Variants in SGCD observed in about 807,000 individuals in gnomAD.
SGCD encodes delta-sarcoglycan.
A neutral mutation model predicts 36.6 loss-of-function variants in SGCD; 18 were observed. The observed-to-expected ratio is 0.49, with a 90% CI of 0.34 to 0.73. The LOEUF (loss-of-function observed/expected upper bound fraction) is 0.73. SGCD is among the 30% of genes least tolerant of loss of function. The pLI, the probability that SGCD is intolerant of heterozygous loss-of-function variation, is 0.01. For synonymous variants in SGCD, 133 were observed against 130.6 expected (o/e 1.02, Z -0.12); for missense variants, 387 against 346.7 (o/e 1.12, Z -0.92).
chr5:156,257,469 G>T (rs1013228847), intron 3 of SGCD, among the ~76,000 whole-genome samples: 1 of 152,082 alleles, frequency 6.6e-6, no homozygotes, highest in African/African-American at 2.4e-5. Context: ...GCGAGACTCC[G>T]TCTCTAAATA....
chr5:156,096,329 A>T (rs1761375205), intron 1 of SGCD, among the ~76,000 whole-genome samples: 1 of 152,204 alleles, frequency 6.6e-6, no homozygotes, highest in Non-Finnish European at 1.5e-5. Context: ...AATAACAGGG[A>T]TGAAATGTGG....
intron 7 of SGCD, among the ~76,000 whole-genome samples, chr5:156,713,780 T>C (rs1163942117): frequency 6.6e-6 from 1 of 152,188 alleles, no homozygotes. Context: ...AGTTGAGATA[T>C]TCTGGTTTCT....
the SGCD span, among the ~76,000 whole-genome samples, chr5:155,740,343 A>G: frequency 6.6e-6 from 1 of 152,240 alleles, no homozygotes; most frequent in Non-Finnish European, 1.5e-5. Context: ...TGTTGTAGAA[A>G]CATATCTAGG....
At chr5:156,562,255 A>G (rs146156118) in intron 4 of SGCD, among the ~76,000 whole-genome samples, 77 of 152,332 alleles carry the variant, frequency 5.1e-4, no homozygotes, top group African/African-American at 1.7e-3. Context: ...GTAGCATATT[A>G]TACAGGATAT....
At chr5:155,876,688 A>T (rs1561635047) in intron 1 of SGCD, among the ~76,000 whole-genome samples, 1 of 152,030 alleles carries the variant, frequency 6.6e-6, no homozygotes, top group Non-Finnish European at 1.5e-5. Flanking sequence ...CCTCTCTATC[A>T]TAGTGTTTGT....
intron 3 of SGCD, among the ~76,000 whole-genome samples, chr5:156,437,661 G>A (rs1203979566): frequency 2.6e-5 from 4 of 152,112 alleles, no homozygotes; most frequent in Admixed American, 1.3e-4. Flanking sequence ...GTAACAGATG[G>A]ACAAGACTGA....
intron 6 of SGCD, among the ~76,000 whole-genome samples, chr5:156,636,958 C>T (rs1450280572): frequency 6.6e-6 from 1 of 152,058 alleles, no homozygotes; most frequent in Non-Finnish European, 1.5e-5. Context: ...TAAGTAGGGA[C>T]TGTTTTTTCT....
At chr5:155,938,088 A>G (rs1452854556) in intron 1 of SGCD, among the ~76,000 whole-genome samples, 1 of 152,214 alleles carries the variant, frequency 6.6e-6, no homozygotes, top group Non-Finnish European at 1.5e-5. Flanking sequence ...ATACCTGCAC[A>G]TACAGACACT....
At chr5:155,852,331 T>A in the SGCD span, among the ~76,000 whole-genome samples, 1 of 152,178 alleles carries the variant, frequency 6.6e-6, no homozygotes, top group Non-Finnish European at 1.5e-5. Context: ...GACTTGAAAC[T>A]TTGGTGATAT....
intron 3 of SGCD, among the ~76,000 whole-genome samples, chr5:156,355,843 G>A (rs1769467040): frequency 6.6e-6 from 1 of 152,172 alleles, no homozygotes; most frequent in Non-Finnish European, 1.5e-5. Context: ...CGCCATGCTG[G>A]CCAGGCTGGT....
intron 3 of SGCD, among the ~76,000 whole-genome samples, chr5:156,383,512 G>C (rs1382996942): frequency 6.6e-6 from 1 of 151,344 alleles, no homozygotes; most frequent in Non-Finnish European, 1.5e-5. Context: ...TCTTAAAAAA[G>C]AAAAAGAAAG....
At chr5:156,514,056 T>G (rs566110559) in intron 4 of SGCD, among the ~76,000 whole-genome samples, 42 of 152,350 alleles carry the variant, frequency 2.8e-4, no homozygotes, top group Admixed American at 1.1e-3. Flanking sequence ...TCAATGTGAT[T>G]GGATATCTTT....
At chr5:156,288,820 G>A (rs1436394432) in intron 3 of SGCD, among the ~76,000 whole-genome samples, 1 of 152,068 alleles carries the variant, frequency 6.6e-6, no homozygotes, top group African/African-American at 2.4e-5. Flanking sequence ...TAAGTCCGTA[G>A]GATCTAGACA....
chr5:155,996,839 G>C (rs35060941), intron 1 of SGCD, among the ~76,000 whole-genome samples: 34,914 of 148,778 alleles, frequency 0.23, 5,057 homozygotes, highest in South Asian at 0.37. Context: ...GCTGCCAAAT[G>C]GTAAATCTGA....
chr5:156,291,683 G>A (rs1272756158), intron 3 of SGCD, among the ~76,000 whole-genome samples: 1 of 151,722 alleles, frequency 6.6e-6, no homozygotes, highest in Non-Finnish European at 1.5e-5. Context: ...CACGAAACTT[G>A]CCTTTTTGTT....
intron 3 of SGCD, among the ~76,000 whole-genome samples, chr5:156,218,238 C>T (rs758588470): frequency 4.0e-5 from 6 of 151,684 alleles, no homozygotes; most frequent in Non-Finnish European, 7.4e-5. Flanking sequence ...GGCAACAGAG[C>T]GAGACTCCAT....
intron 3 of SGCD, among the ~76,000 whole-genome samples, chr5:156,312,558 G>A (rs1317303254): frequency 6.6e-6 from 1 of 152,146 alleles, no homozygotes; most frequent in Non-Finnish European, 1.5e-5. Flanking sequence ...ATAGCAATGA[G>A]AAGCAGTTTA....
Position 156,558,088 on chromosome 5 carries a change from A to AATGTATATATATATATAT in SGCD, c.295-31141_295-31140insGTATATATATATATATAT, listed in dbSNP as rs1330398244. ...ACTGAGTGTGTTATTAGTAAATACAAATATATATATATATATATATATATA... is the reference window on the plus strand; with the variant it reads ...ACTGAGTGTGTTATTAGTAAATACAAATGTATATATATATATATATATATATATATATATATATATATA... On this transcript the variant is annotated intron_variant, in intron 4 of 8. Transcript: ENST00000337851. 7.1e-4 allele frequency among the ~76,000 whole-genome samples: 68 copies of AATGTATATATATATATAT among 95,572 alleles called. 2 individuals carry two copies. The highest frequency in any genetic ancestry group is 2.6e-3 in the African/African-American group (66 of 25,336). The allele number at this position is 95,572 out of a possible 152,430, so 62.7% of individuals were successfully genotyped here.
Position 156,074,655 on chromosome 5 carries a change from G to T in SGCD, c.-281-43223G>T, listed in dbSNP as rs191844984. Among the ~76,000 whole-genome samples, 6 of 152,184 alleles carry T rather than the reference G, an allele frequency of 3.9e-5. No homozygotes were observed. In the East Asian group the frequency reaches 9.7e-4, roughly 25 times the overall value. On this transcript the variant is annotated intron_variant, in intron 1 of 9. Transcript: ENST00000517913. ...AGATTATACCACTGCACTCAAGCCCGGGCAAGAAAGCGAGAATCCATCTCA... is the reference window on the plus strand; with the variant it reads ...AGATTATACCACTGCACTCAAGCCCTGGCAAGAAAGCGAGAATCCATCTCA...
Sources: gnomAD v4.1 joint callset for allele counts (sites outside exome capture counted in the v4.1 genomes callset) on GRCh38, gnomAD v4.1.1 for gene constraint, MANE v1.5 for transcripts, NCBI Gene and HGNC (gene_info 2026-07-23, HGNC 2026-07-21) for gene names.